MDH1B: variants seen among roughly 807,000 people sequenced by gnomAD.
MDH1B encodes malate dehydrogenase 1B.
Under a neutral mutation model 61.4 loss-of-function variants are expected in MDH1B, and 60 were observed. The ratio of observed to expected loss-of-function variants is 0.98; its 90% CI spans 0.79 to 1.21. MDH1B has a LOEUF of 1.21. Among genes scored for constraint, MDH1B ranks in the 50% most tolerant of loss-of-function variants. The pLI is 0.00. For missense variants in MDH1B, 587 were observed against 632.1 expected, an observed-to-expected ratio of 0.93 and a Z score of 0.76; for synonymous variants, 236 against 218.7, an observed-to-expected ratio of 1.08 and a Z score of -0.70.
At chr2:206,759,316 A>T (rs1222631109) in intron 2 of MDH1B, among the ~76,000 whole-genome samples, 1 of 152,076 alleles carries the variant, frequency 6.6e-6, no homozygotes, top group East Asian at 1.9e-4. Context: ...ACATGATCTC[A>T]TTCCTTTTCG....
At chr2:206,760,441 T>A (rs1228155221) in intron 2 of MDH1B, among the ~76,000 whole-genome samples, 1 of 152,146 alleles carries the variant, frequency 6.6e-6, no homozygotes, top group Non-Finnish European at 1.5e-5. Context: ...AAACTTCAAC[T>A]TCTCCCTTTA....
intron 9 of MDH1B, among the ~76,000 whole-genome samples, chr2:206,743,026 T>C (rs1445712860): frequency 6.6e-6 from 1 of 152,116 alleles, no homozygotes; most frequent in Non-Finnish European, 1.5e-5. Context: ...ATGTCTCTAA[T>C]TTATATAAAC....
At chr2:206,761,545 C>G (rs1689091914) in intron 1 of MDH1B, among the ~76,000 whole-genome samples, 1 of 152,088 alleles carries the variant, frequency 6.6e-6, no homozygotes, top group Admixed American at 6.5e-5. Flanking sequence ...TAACTTTAGT[C>G]AAGTGCAGTT....
rs1423838693 is a variant in MDH1B, at chr2:206,741,212, C to A, written c.1409-108G>T. ...GTTTTTCAAACTTCAGTGACTATGA[C>A]CCACAATAAAAGACACATTTTACAT... is the stretch of plus-strand genomic sequence containing the variant. On this transcript the variant is annotated intron_variant, in intron 9 of 11. Transcript: ENST00000374412. 3 of 1,445,348 alleles carry A rather than the reference C, an allele frequency of 2.1e-6. No individual in the cohort carries two copies. In the African/African-American group the frequency reaches 4.3e-5, roughly 21 times the overall value. The allele number at this position is 1,445,348 out of a possible 1,614,324, so 89.5% of individuals were successfully genotyped here. A position where few individuals can be genotyped will look rare whatever the true frequency, so the allele number is the denominator to read the frequency against.
chr2:206,739,374 A>G (rs1209014524), intron 11 of MDH1B, among the ~76,000 whole-genome samples: 1 of 152,076 alleles, frequency 6.6e-6, no homozygotes, highest in Non-Finnish European at 1.5e-5. Context: ...TAACCGCACC[A>G]CTGCACTTCA....
chr2:206,756,439 T>G (rs1688764185), intron 4 of MDH1B, among the ~76,000 whole-genome samples: 1 of 149,286 alleles, frequency 6.7e-6, no homozygotes, highest in Admixed American at 6.7e-5. Flanking sequence ...AGAGAGAGAG[T>G]ATGACAACAA....
At chr2:206,753,670 G>A (rs1407878397) in intron 5 of MDH1B, among the ~76,000 whole-genome samples, 1 of 152,096 alleles carries the variant, frequency 6.6e-6, no homozygotes, top group Non-Finnish European at 1.5e-5. Context: ...GGTCATTGCT[G>A]GCTGTCTCTT....
chr2:206,751,959 A>T (rs1444162481), intron 5 of MDH1B, among the ~76,000 whole-genome samples: 2 of 152,152 alleles, frequency 1.3e-5, no homozygotes, highest in African/African-American at 4.8e-5. Context: ...CCTGTATAAG[A>T]TTGCTTTTGT....
intron 10 of MDH1B, 38 bp downstream of exon 10, chr2:206,741,016 T>G (rs1291560084): frequency 6.2e-7 from 1 of 1,612,052 alleles, no homozygotes; most frequent in Admixed American, 1.7e-5. Context: ...TCACGACTAT[T>G]AGCAATATAG....
intron 1 of MDH1B, among the ~76,000 whole-genome samples, chr2:206,762,260 T>C (rs967653923): frequency 3.9e-5 from 6 of 152,190 alleles, no homozygotes; most frequent in African/African-American, 1.4e-4. Context: ...CAACTTTGCT[T>C]TTTACTTTAC....
At chr2:206,756,364 T>A in intron 4 of MDH1B, among the ~76,000 whole-genome samples, 1 of 148,678 alleles carries the variant, frequency 6.7e-6, no homozygotes, top group African/African-American at 2.5e-5. Flanking sequence ...AACTGAGGGG[T>A]GAGGAAAGGA....
intron 1 of MDH1B, among the ~76,000 whole-genome samples, chr2:206,762,605 C>CTAT (rs1689166472): frequency 6.6e-6 from 1 of 152,218 alleles, no homozygotes; most frequent in South Asian, 2.1e-4. Flanking sequence ...CCCCCTCTAG[C>CTAT]TATTGCCTTT....
At chr2:206,744,177 G>A (rs556395081) in intron 9 of MDH1B, among the ~76,000 whole-genome samples, 20 of 152,176 alleles carry the variant, frequency 1.3e-4, no homozygotes, top group Middle Eastern at 3.4e-3. Context: ...CCTTCTATCC[G>A]CAGGCATGAG....
chr2:206,751,491 G>A (rs1008945024), intron 5 of MDH1B, among the ~76,000 whole-genome samples: 6 of 152,110 alleles, frequency 3.9e-5, no homozygotes, highest in African/African-American at 1.4e-4. Flanking sequence ...AGGAGTTCTT[G>A]TTCTAGACTA....
intron 7 of MDH1B, among the ~76,000 whole-genome samples, chr2:206,748,396 T>C (rs1182407294): frequency 1.3e-5 from 2 of 152,172 alleles, no homozygotes; most frequent in Non-Finnish European, 2.9e-5. Flanking sequence ...CAAACAAAAA[T>C]GTAGAATTCT....
chr2:206,761,624 G>A (rs901396558), intron 1 of MDH1B, among the ~76,000 whole-genome samples: 10 of 151,970 alleles, frequency 6.6e-5, no homozygotes, highest in Non-Finnish European at 1.0e-4. Context: ...ATATGTATAT[G>A]TACATGTATA....
intron 2 of MDH1B, among the ~76,000 whole-genome samples, chr2:206,758,592 T>TC (rs1176556016): frequency 6.6e-6 from 1 of 151,854 alleles, no homozygotes. Flanking sequence ...ATGGTGAAAC[T>TC]CCATCTCTAC....
chr2:206,758,858 G>A (rs1279809085), intron 2 of MDH1B, among the ~76,000 whole-genome samples: 1 of 152,076 alleles, frequency 6.6e-6, no homozygotes, highest in Non-Finnish European at 1.5e-5. Context: ...GGAAGGGATT[G>A]GAGGATACAA....
Position 206,755,379 on chromosome 2 carries a change from A to T in MDH1B, c.540T>A (p.Leu180=), listed in dbSNP as rs1216034957. 1.2e-6 allele frequency: 2 copies of T among 1,614,202 alleles called. No individual in the cohort carries two copies. The highest frequency in any genetic ancestry group is 2.2e-5 in the South Asian group (2 of 91,086). ...NKQAEEHLKS[L]VVETQDLASP... is the part of the protein sequence containing the mutation. ...ATGCCAGGTCTTGGGTCTCCACCACAAGGCTTTTGAGATGTTCTTCCGCCT... is the reference window on the plus strand; with the variant it reads ...ATGCCAGGTCTTGGGTCTCCACCACTAGGCTTTTGAGATGTTCTTCCGCCT... Residue 180 remains leucine (L), a synonymous_variant, in exon 5 of 12, where the codon CTT becomes CTA. Coordinates refer to ENST00000374412, the MANE Select transcript of MDH1B (RefSeq NM_001039845.3).
Sources: allele counts gnomAD v4.1 joint callset (sites outside exome capture counted in the v4.1 genomes callset), GRCh38; gene constraint gnomAD v4.1.1; transcripts MANE v1.5; gene names NCBI Gene and HGNC (gene_info 2026-07-23, HGNC 2026-07-21).